The following GNG2 variants were observed in gnomAD, a reference collection of about 807,000 sequenced individuals.
GNG2 encodes guanine nucleotide-binding protein G(I)/G(S)/G(O) subunit gamma-2.
GNG2 carries 5 observed loss-of-function variants against 5.5 expected under a neutral mutation model. The observed-to-expected ratio is 0.91, with a 90% confidence interval of 0.48 to 1.92. The LOEUF (loss-of-function observed/expected upper bound fraction) is 1.92, where lower values mean the gene tolerates loss of function less well. Among genes scored for constraint, GNG2 ranks in the 30% most tolerant of loss-of-function variants. The probability of loss-of-function intolerance (pLI) is 0.01; values close to 1 mark genes in which losing one functional copy is unlikely to be tolerated. For synonymous variants in GNG2, 28 were observed against 32.0 expected (o/e 0.88, Z 0.42); for missense variants, 55 against 88.4 (o/e 0.62, Z 1.52).
chr14:51,908,228 A>G (rs899341940), intron 2 of GNG2, among the ~76,000 whole-genome samples: 10 of 152,188 alleles, frequency 6.6e-5, no homozygotes, highest in African/African-American at 2.4e-4. Context: ...TAGACTGCTC[A>G]TGACCTGGCT....
At chr14:51,949,877 G>A (rs1888872210) in intron 2 of GNG2, among the ~76,000 whole-genome samples, 1 of 152,120 alleles carries the variant, frequency 6.6e-6, no homozygotes, top group South Asian at 2.1e-4. Flanking sequence ...ATTTGAAGGG[G>A]GAGGGGAGCA....
rs559923541 is a variant in GNG2, at chr14:51,881,448, G to T, written c.-30+3791G>T. 9.9e-5 allele frequency among the ~76,000 whole-genome samples: 15 copies of T among 152,186 alleles called. No homozygotes were observed. In the South Asian group the frequency reaches 3.1e-3, roughly 32 times the overall value. On this transcript the variant is annotated intron_variant, in intron 2 of 3. Coordinates refer to ENST00000556766, the MANE Select transcript of GNG2 (RefSeq NM_053064.5). ...CCCCCATGTAAAGTTGCTACATCTG[G>T]GTAAAGACGCTTGCTGGGCCTTTCC... is the stretch of plus-strand genomic sequence containing the variant.
intron 2 of GNG2, among the ~76,000 whole-genome samples, chr14:51,897,557 A>G (rs759790707): frequency 5.3e-5 from 8 of 152,160 alleles, no homozygotes; most frequent in Non-Finnish European, 1.0e-4. Context: ...AAGGAGAGAT[A>G]AGTTGAGGAG....
chr14:51,947,010 G>T (rs1888682188), intron 2 of GNG2, among the ~76,000 whole-genome samples: 2 of 152,132 alleles, frequency 1.3e-5, no homozygotes, highest in Admixed American at 6.5e-5. Context: ...AGTTAAACAA[G>T]AACATTCAGG....
At chr14:51,858,534 A>G (rs1246139771), upstream of GNG2, among the ~76,000 whole-genome samples, 1 of 152,186 alleles carries the variant, frequency 6.6e-6, no homozygotes, top group Non-Finnish European at 1.5e-5. Context: ...CCATCGGAGG[A>G]TGGTTGAGAG....
At chr14:51,837,304 CTTA>C (rs1215437417) in intron 2 of GNG2, among the ~76,000 whole-genome samples, 3 of 152,112 alleles carry the variant, frequency 2.0e-5, no homozygotes, top group African/African-American at 7.2e-5. Flanking sequence ...TTATCAAACA[CTTA>C]TTATGAGCAA....
intron 3 of GNG2, among the ~76,000 whole-genome samples, chr14:51,960,231 A>G (rs1050982423): frequency 8.6e-5 from 13 of 150,330 alleles, no homozygotes; most frequent in Admixed American, 6.6e-5. Flanking sequence ...TTCTATTGCT[A>G]TCTTCAAGTT....
At chr14:51,937,638 T>TTTA (rs200493840) in intron 2 of GNG2, among the ~76,000 whole-genome samples, 2 of 132,142 alleles carry the variant, frequency 1.5e-5, no homozygotes, top group Non-Finnish European at 3.1e-5. Flanking sequence ...TTTTTTTTTT[T>TTTA]ATTATACTCT....
rs1477501394 is a variant in GNG2, at chr14:51,911,865, TG to T, written c.-30+34209del. 4.0e-5 allele frequency among the ~76,000 whole-genome samples: 5 copies of T among 124,878 alleles called. 2 individuals are homozygous for T. The highest frequency in any genetic ancestry group is 1.4e-4 in the Admixed American group (2 of 13,936). 81.9% of individuals were successfully genotyped at this position (124,878 alleles called of 152,430 possible). On this transcript the variant is annotated intron_variant, in intron 2 of 3. Transcript: ENST00000556766. ...TGCCCATCCTGATAGCCTTTTCTTATGTTTTTTTTTTTTGTTGTTATTGTTA... is the reference window on the plus strand; with the variant it reads ...TGCCCATCCTGATAGCCTTTTCTTATTTTTTTTTTTTTGTTGTTATTGTTA...
chr14:51,873,661 G>T (rs1883453746), intron 1 of GNG2, among the ~76,000 whole-genome samples: 1 of 152,254 alleles, frequency 6.6e-6, no homozygotes, highest in Non-Finnish European at 1.5e-5. Context: ...ATGACTTCAT[G>T]TAAGTCTCTA....
intron 2 of GNG2, among the ~76,000 whole-genome samples, chr14:51,838,204 G>A (rs1881389745): frequency 6.6e-6 from 1 of 152,148 alleles, no homozygotes; most frequent in Non-Finnish European, 1.5e-5. Flanking sequence ...AGCACTTTGG[G>A]AGGCTGAGGT....
At chr14:51,864,097 G>A (rs2140107212) in intron 1 of GNG2, among the ~76,000 whole-genome samples, 1 of 152,296 alleles carries the variant, frequency 6.6e-6, no homozygotes, top group African/African-American at 2.4e-5. Flanking sequence ...GTTTTCCATA[G>A]CAGCTGCACT....
At chr14:51,892,516 C>T (rs186684674) in intron 2 of GNG2, among the ~76,000 whole-genome samples, 1 of 152,182 alleles carries the variant, frequency 6.6e-6, no homozygotes, top group African/African-American at 2.4e-5. Context: ...CCAGGCTGGT[C>T]TCGAACTCCT....
chr14:51,926,936 A>G (rs143995843), intron 2 of GNG2, among the ~76,000 whole-genome samples: 49 of 152,322 alleles, frequency 3.2e-4, no homozygotes, highest in East Asian at 2.3e-3. Flanking sequence ...ATTTGGTAAG[A>G]TAATTTCATT....
chr14:51,836,856 C>T (rs1375101487), intron 2 of GNG2, among the ~76,000 whole-genome samples: 3 of 130,670 alleles, frequency 2.3e-5, no homozygotes, highest in Admixed American at 7.7e-5. Flanking sequence ...GTGACTTCAT[C>T]TTTTTTTTTT....
intron 2 of GNG2, among the ~76,000 whole-genome samples, chr14:51,887,866 A>T (rs1753090823): frequency 1.3e-5 from 2 of 152,356 alleles, no homozygotes; most frequent in Admixed American, 1.3e-4. Context: ...ATACCTTTTT[A>T]GGATGTATAC....
chr14:51,961,383 C>T (rs1298678688), intron 3 of GNG2, among the ~76,000 whole-genome samples: 3 of 152,070 alleles, frequency 2.0e-5, no homozygotes, highest in Non-Finnish European at 4.4e-5. Flanking sequence ...AAATATCTGT[C>T]GAAGAAGATT....
At chr14:51,947,406 G>A (rs1888704625) in intron 2 of GNG2, among the ~76,000 whole-genome samples, 1 of 152,184 alleles carries the variant, frequency 6.6e-6, no homozygotes, top group Non-Finnish European at 1.5e-5. Context: ...AGTGGAAGGG[G>A]TGGGCAGAAG....
In GNG2 at chr14:51,877,427, AAG is replaced by A. The variant is rs575921648; in HGVS notation, c.-70-185_-70-184del. 2.6e-5 allele frequency among the ~76,000 whole-genome samples: 4 copies of A among 152,318 alleles called. No homozygotes were observed. In the South Asian group the frequency reaches 8.3e-4, roughly 32 times the overall value. On this transcript the variant is annotated intron_variant, in intron 1 of 3. Coordinates refer to ENST00000556766, the MANE Select transcript of GNG2 (RefSeq NM_053064.5). ...TTTCACAAATCTATTTCTTAAAAGA[AAG>A]AGAGTTAATAAAAGTTCATTTCTAG... is the stretch of plus-strand genomic sequence containing the variant.
Sources: allele counts gnomAD v4.1 joint callset (sites outside exome capture counted in the v4.1 genomes callset), GRCh38; gene constraint gnomAD v4.1.1; transcripts MANE v1.5; gene names NCBI Gene and HGNC (gene_info 2026-07-23, HGNC 2026-07-21).